RETREG1: variants seen among roughly 807,000 people sequenced by gnomAD.
RETREG1 encodes family with sequence similarity 134 member B.
Under a neutral mutation model 54.8 loss-of-function variants are expected in RETREG1, and 44 were observed. The observed-to-expected ratio is 0.80, with a 90% confidence interval of 0.63 to 1.03. The LOEUF is 1.03. Among genes scored for constraint, RETREG1 ranks in the 50% least tolerant of loss-of-function variants. The pLI, the probability that RETREG1 is intolerant of heterozygous loss-of-function variation, is 0.00. For synonymous variants in RETREG1, 217 were observed against 238.5 expected (o/e 0.91, Z 0.83); for missense variants, 554 against 605.1 (o/e 0.92, Z 0.89).
At chr5:16,526,783 C>A (rs764878101) in intron 3 of RETREG1, among the ~76,000 whole-genome samples, 4 of 152,188 alleles carry the variant, frequency 2.6e-5, no homozygotes, top group Non-Finnish European at 4.4e-5. Flanking sequence ...ACTGTTATCA[C>A]CCCCGTGGTG....
At chr5:16,522,748 T>C (rs1440516938) in intron 3 of RETREG1, among the ~76,000 whole-genome samples, 1 of 152,144 alleles carries the variant, frequency 6.6e-6, no homozygotes, top group Non-Finnish European at 1.5e-5. Context: ...CTCATGTCTG[T>C]AATCCCAACA....
Position 16,474,784 on chromosome 5 carries a change from T to C in RETREG1, c.1451A>G (p.Lys484Arg), listed in dbSNP as rs1561075333. ...QDQEAEAQQN[K>R]KSSGFLSNLL... is the part of the protein sequence containing the mutation. Reference sequence around the variant, plus strand: ...ATTTGAAAGGAAACCTGAAGACTTCTTATTTTGCTGTGCTTCTGCTTCCTG... The same window carrying C: ...ATTTGAAAGGAAACCTGAAGACTTCCTATTTTGCTGTGCTTCTGCTTCCTG... The change falls in exon 9 of 9, where the codon AAG becomes AGG. Residue 484 changes from lysine to arginine, a missense_variant. Transcript: ENST00000306320. 5 of 1,613,846 alleles carry C rather than the reference T, an allele frequency of 3.1e-6. No homozygotes were observed. In the South Asian group the frequency reaches 4.4e-5, roughly 14 times the overall value.
chr5:16,483,034 T>A (rs1273730322), intron 4 of RETREG1: 1 of 301,370 alleles, frequency 3.3e-6, no homozygotes, highest in Non-Finnish European at 6.3e-6. Context: ...CTAAATACGA[T>A]AACTGAAATT....
intron 3 of RETREG1, among the ~76,000 whole-genome samples, chr5:16,565,355 T>C (rs1407258248): frequency 6.6e-6 from 1 of 152,210 alleles, no homozygotes; most frequent in Non-Finnish European, 1.5e-5. Flanking sequence ...TCCTCTGAAC[T>C]GACAGCATGG....
At chr5:16,489,328 A>T (rs1056464492) in intron 3 of RETREG1, among the ~76,000 whole-genome samples, 4 of 152,096 alleles carry the variant, frequency 2.6e-5, no homozygotes, top group African/African-American at 9.7e-5. Flanking sequence ...ATATTATAAG[A>T]TTTGTCTTTG....
At chr5:16,509,036 G>A (rs982349681) in intron 3 of RETREG1, 1 of 963,682 alleles carries the variant, frequency 1.0e-6, no homozygotes, top group Non-Finnish European at 1.2e-6. Context: ...TTCTTCCCCC[G>A]GCTTTTTTTT....
chr5:16,572,235 CAG>C (rs1742195941), intron 1 of RETREG1, 133 bp from the exon 2 acceptor site: 1 of 642,828 alleles, frequency 1.6e-6, no homozygotes, highest in East Asian at 3.0e-5. Flanking sequence ...TTTTTTGAGA[CAG>C]AGTCTCGCTC....
intron 3 of RETREG1, among the ~76,000 whole-genome samples, chr5:16,555,962 G>C (rs991891): frequency 3.6e-4 from 55 of 152,066 alleles, no homozygotes; most frequent in Non-Finnish European, 5.9e-4. Context: ...TATTCTAGCC[G>C]AGTTATTTTC....
At chr5:16,556,385 C>A (rs1290134466) in intron 3 of RETREG1, among the ~76,000 whole-genome samples, 1 of 152,032 alleles carries the variant, frequency 6.6e-6, no homozygotes, top group Admixed American at 6.5e-5. Flanking sequence ...TGGTCTCGAT[C>A]TCCTGACCTC....
At position 16,474,650 on chromosome 5, in the gene RETREG1, G is replaced by GTTCAATT; in HGVS notation, c.*84_*90dup. On this transcript the variant is annotated 3_prime_UTR_variant, in exon 9 of 9. Coordinates refer to ENST00000306320, the MANE Select transcript of RETREG1 (RefSeq NM_001034850.3). ...TCTAAAGTAATCATTAAAGCTTACA[G>GTTCAATT]TTCAATTTTTTTCTTTTCCTTTTTT... 5 of 1,476,988 alleles carry GTTCAATT rather than the reference G, an allele frequency of 3.4e-6. No individual in the cohort carries two copies. Among genetic ancestry groups the GTTCAATT allele is most frequent in the Non-Finnish European group, 4.6e-6 (5 of 1,094,078 alleles). 91.5% of individuals were successfully genotyped at this position (1,476,988 alleles called of 1,614,324 possible).
intron 3 of RETREG1, among the ~76,000 whole-genome samples, chr5:16,507,878 T>C (rs1740021295): frequency 1.3e-5 from 2 of 152,220 alleles, no homozygotes; most frequent in Admixed American, 1.3e-4. Flanking sequence ...TGGCCCCAAT[T>C]AGAATTCCAA....
At chr5:16,490,026 T>C (rs1040981647) in intron 3 of RETREG1, among the ~76,000 whole-genome samples, 5 of 152,198 alleles carry the variant, frequency 3.3e-5, no homozygotes, top group African/African-American at 4.8e-5. Flanking sequence ...ACATATTTCT[T>C]GAGCTTTAGA....
chr5:16,536,875 G>A (rs552610793), intron 3 of RETREG1, among the ~76,000 whole-genome samples: 7 of 152,286 alleles, frequency 4.6e-5, no homozygotes, highest in African/African-American at 1.7e-4. Context: ...CCAGAGATGA[G>A]TTCTCTGAGT....
intron 1 of RETREG1, among the ~76,000 whole-genome samples, chr5:16,579,788 T>C (rs1742434019): frequency 6.6e-6 from 1 of 152,240 alleles, no homozygotes. Flanking sequence ...GGCGTGATAG[T>C]ACATTCATTT....
chr5:16,475,337 C>T (rs778555838), intron 8 of RETREG1, 103 bp from the exon 9 acceptor site: 7 of 1,364,786 alleles, frequency 5.1e-6, no homozygotes, highest in Non-Finnish European at 7.1e-6. Flanking sequence ...CTCTGGCAAC[C>T]TTGGCATTCA....
Position 16,544,878 on chromosome 5 carries a change from T to C in RETREG1, c.458+20885A>G, listed in dbSNP as rs189587645. On this transcript the variant is annotated intron_variant, in intron 3 of 8. Coordinates refer to ENST00000306320, the MANE Select transcript of RETREG1 (RefSeq NM_001034850.3). Reference sequence around the variant, plus strand: ...GGCCTAGAATGCTGAACTGCTTTGTTCAGACTCCAAAGTTTCTTCCACTGG... The same window carrying C: ...GGCCTAGAATGCTGAACTGCTTTGTCCAGACTCCAAAGTTTCTTCCACTGG... 4.9e-4 allele frequency among the ~76,000 whole-genome samples: 75 copies of C among 152,364 alleles called. 2 individuals carry two copies. Among genetic ancestry groups the C allele is most frequent in the Admixed American group, 4.3e-3 (66 of 15,300 alleles).
In RETREG1 at chr5:16,491,096, C is replaced by T. The variant is rs527267598; in HGVS notation, c.459-7624G>A. Among the ~76,000 whole-genome samples, 17 of 152,262 alleles carry T rather than the reference C, an allele frequency of 1.1e-4. No individual in the cohort carries two copies. The South Asian group carries it at 2.1e-3, about 19-fold the overall frequency. ...CATGGCAACTATCTGCTAAGCTCTC[C>T]CTGTGTGCCAGGCACTATGTTAAGC... On this transcript the variant is annotated intron_variant, in intron 3 of 8. Transcript: ENST00000306320.
In RETREG1 at chr5:16,594,730, A is replaced by G. The variant is rs1038134727; in HGVS notation, c.320+21922T>C. On this transcript the variant is annotated intron_variant, in intron 1 of 8. Coordinates refer to ENST00000306320, the MANE Select transcript of RETREG1 (RefSeq NM_001034850.3). The surrounding 1 kb of genome is among the most constrained non-coding windows in gnomAD (Gnocchi z 4.4). ...ACAGAGCAAGACTCCAAAAAAAACA[A>G]AAAACAAAACACAACCACACAAAGC... 1.3e-5 allele frequency among the ~76,000 whole-genome samples: 2 copies of G among 152,180 alleles called. No individual in the cohort carries two copies. Among genetic ancestry groups the G allele is most frequent in the African/African-American group, 2.4e-5 (1 of 41,436 alleles).
At chr5:16,580,259 C>CA (rs1261605358) in intron 1 of RETREG1, among the ~76,000 whole-genome samples, 1 of 152,200 alleles carries the variant, frequency 6.6e-6, no homozygotes, top group East Asian at 1.9e-4. Flanking sequence ...GGAGTCCTGT[C>CA]ACTCCCTATT....
Sources: allele counts gnomAD v4.1 joint callset (sites outside exome capture counted in the v4.1 genomes callset), GRCh38; gene constraint gnomAD v4.1.1; non-coding constraint Gnocchi (gnomAD v3.1); transcripts MANE v1.5; gene names NCBI Gene and HGNC (gene_info 2026-07-23, HGNC 2026-07-21).